Variants in CIROP observed in about 807,000 individuals in gnomAD.
CIROP encodes ciliated left-right organizer metallopeptidase.
chr14:23,100,065 TG>T, the CIROP span: 1 of 161,268 alleles, frequency 6.2e-6, no homozygotes, highest in Non-Finnish European at 1.5e-5. Context: ...GAGACAAGCC[TG>T]GGCAACATGG....
At chr14:23,099,467 T>C in the CIROP span, 3 of 413,438 alleles carry the variant, frequency 7.3e-6, no homozygotes. Context: ...ATGGAGGGAT[T>C]ATGGTCTGAA....
chr14:23,100,460 G>T, the CIROP span: 1 of 413,274 alleles, frequency 2.4e-6, no homozygotes, highest in South Asian at 1.3e-4. Flanking sequence ...TCAAACATCC[G>T]GACTCCATGG....
chr14:23,102,074 G>T, the CIROP span: 3 of 702,654 alleles, frequency 4.3e-6, no homozygotes, highest in Non-Finnish European at 7.8e-6. Flanking sequence ...CTCTCTGCAG[G>T]TCTCCCTTAT....
the CIROP span, chr14:23,100,909 C>G: frequency 2.5e-6 from 1 of 399,066 alleles, no homozygotes. Flanking sequence ...GCCCTTCTTG[C>G]TGTTCCTTCC....
At chr14:23,099,173 A>C in the CIROP span, 4 of 412,088 alleles carry the variant, frequency 9.7e-6, no homozygotes, top group Non-Finnish European at 1.8e-5. Flanking sequence ...AACCGGGGAA[A>C]GAGGCATTCC....
chr14:23,102,301 G>C, the CIROP span: 10 of 702,460 alleles, frequency 1.4e-5, no homozygotes, highest in South Asian at 1.5e-4. Context: ...TTGTTAGCTG[G>C]CTACTCCTTT....
the CIROP span, chr14:23,101,105 T>C: frequency 2.5e-6 from 1 of 401,058 alleles, no homozygotes; most frequent in Non-Finnish European, 4.4e-6. Flanking sequence ...TAGCAGGATA[T>C]GGTTTTGCCT....
At chr14:23,104,287 G>A in the CIROP span, 1 of 691,172 alleles carries the variant, frequency 1.4e-6, no homozygotes, top group Non-Finnish European at 2.7e-6. Context: ...GGGTTCAAGA[G>A]GCTGCACCTA....
the CIROP span, chr14:23,102,480 TTCTC>T: frequency 4.3e-6 from 3 of 701,528 alleles, no homozygotes; most frequent in Middle Eastern, 2.3e-4. Flanking sequence ...TGTAGAACAG[TTCTC>T]TCTAACTGCA....
chr14:23,104,021 G>A, the CIROP span, among the ~76,000 whole-genome samples: 1 of 152,180 alleles, frequency 6.6e-6, no homozygotes, highest in African/African-American at 2.4e-5. Flanking sequence ...ACATCGTTAA[G>A]CACACTAAGT....
At chr14:23,100,595 A>G in the CIROP span, 4 of 402,914 alleles carry the variant, frequency 9.9e-6, no homozygotes, top group Middle Eastern at 6.3e-4. Context: ...CAGTGTAGCA[A>G]CTGAAGGCCC....
At chr14:23,104,429 A>T in the CIROP span, 1 of 703,010 alleles carries the variant, frequency 1.4e-6, no homozygotes, top group Non-Finnish European at 2.6e-6. Flanking sequence ...CAGCGTGGCA[A>T]TACTGTGCAG....
chr14:23,103,380 T>C, the CIROP span: 1 of 383,234 alleles, frequency 2.6e-6, no homozygotes, highest in Non-Finnish European at 4.6e-6. Flanking sequence ...CAAAACCCCG[T>C]CTCTACAAAA....
the CIROP span, chr14:23,104,345 T>C: frequency 4.3e-6 from 3 of 700,298 alleles, no homozygotes; most frequent in Non-Finnish European, 7.8e-6. Flanking sequence ...TAGGTATCCC[T>C]GAAAAAGAAT....
the CIROP span, chr14:23,100,151 A>G: frequency 0.9 from 158,758 of 176,960 alleles, 72,126 homozygotes; most frequent in East Asian, 0.98. Context: ...CTACTTGGGA[A>G]GCTGAGGTGG....
the CIROP span, chr14:23,101,000 G>T: frequency 1.3e-5 from 5 of 399,008 alleles, no homozygotes; most frequent in Non-Finnish European, 1.8e-5. Context: ...CACAGGTGGG[G>T]AAGTAACAGC....
chr14:23,104,382 C>G, the CIROP span: 1 of 702,952 alleles, frequency 1.4e-6, no homozygotes, highest in South Asian at 1.5e-5. Context: ...GACGTGAACT[C>G]ACCTGTGGTA....
chr14:23,102,882 C>G, the CIROP span: 13 of 610,782 alleles, frequency 2.1e-5, no homozygotes, highest in Non-Finnish European at 2.9e-5. Flanking sequence ...GGCCCCCTAC[C>G]CTGCAACCTG....
the CIROP span, chr14:23,099,171 A>G: frequency 1.7e-5 from 7 of 411,986 alleles, no homozygotes; most frequent in African/African-American, 4.1e-5. Flanking sequence ...ACAACCGGGG[A>G]AAGAGGCATT....
Sources: gnomAD v4.1 joint callset for allele counts (sites outside exome capture counted in the v4.1 genomes callset) on GRCh38, gnomAD v4.1.1 for gene constraint, MANE v1.5 for transcripts, NCBI Gene and HGNC (gene_info 2026-07-23, HGNC 2026-07-21) for gene names.